ICAM5: variants seen among roughly 807,000 people sequenced by gnomAD.
The protein encoded by ICAM5 is intercellular adhesion molecule 5, also known as ICAM-5.
A neutral mutation model predicts 78.8 loss-of-function variants in ICAM5; 38 were observed. That is an observed-to-expected ratio of 0.48 (90% CI 0.37 to 0.63). The LOEUF (loss-of-function observed/expected upper bound fraction) is 0.63. ICAM5 is among the 30% of genes least tolerant of loss of function. The pLI is 0.00. For missense variants in ICAM5, 1,059 were observed against 1,303.0 expected, an observed-to-expected ratio of 0.81 and a Z score of 2.88; for synonymous variants, 544 against 590.9, an observed-to-expected ratio of 0.92 and a Z score of 1.15.
chr19:10,296,670 G>A lies in ICAM5; in HGVS notation c.*54G>A, dbSNP rs2040223610. On this transcript the variant is annotated 3_prime_UTR_variant, in exon 11 of 11. Coordinates refer to ENST00000221980, the MANE Select transcript of ICAM5 (RefSeq NM_003259.4). ...GGACGCCCCCCAGACTCACACGGGG[G>A]CTTATTTATTGCTTTATTTATTTAC... 6.7e-6 allele frequency: 8 copies of A among 1,192,094 alleles called. No homozygotes were observed. The highest frequency in any genetic ancestry group is 8.3e-6 in the Non-Finnish European group (8 of 959,290). 73.8% of individuals were successfully genotyped at this position (1,192,094 alleles called of 1,614,324 possible).
chr19:10,292,446 G>T, intron 4 of ICAM5, 124 bp downstream of exon 4: 1 of 1,359,634 alleles, frequency 7.4e-7, no homozygotes, highest in South Asian at 1.4e-5. Flanking sequence ...GGCAGGTGGG[G>T]GCGGAGACGT....
rs371224402 is a variant in ICAM5, at chr19:10,292,075, C to T, written c.714C>T (p.Leu238=). 1.4e-5 allele frequency: 22 copies of T among 1,612,790 alleles called. No homozygotes were observed. In the East Asian group the frequency reaches 1.6e-4, roughly 11 times the overall value. ...CCCCGCGCCTCGCTGCTCCCCGGCT[C>T]TTGGAAGTTGGCTCGGAAAGGCCCG... is the stretch of plus-strand genomic sequence containing the variant. ...PDAPRLAAPR[L]LEVGSERPVS... Residue 238 remains leucine (L), a synonymous_variant, in exon 4 of 11, where the codon CTC becomes CTT. Coordinates refer to ENST00000221980, the MANE Select transcript of ICAM5 (RefSeq NM_003259.4).
In ICAM5 at chr19:10,294,044, C is replaced by T. The variant is rs372704058; in HGVS notation, c.1716C>T (p.Gly572=). ...CCCTGCAATCCTGTTTCCCAGATGGCCCCAGGTTTGAGGAGCCGAGCTGCC... is the reference window on the plus strand; with the variant it reads ...CCCTGCAATCCTGTTTCCCAGATGGTCCCAGGTTTGAGGAGCCGAGCTGCC... ...AKNVAVTVEY[G]PRFEEPSCPS... Residue 572 remains glycine (G), a synonymous_variant, in exon 8 of 11, where the codon GGC becomes GGT. Coordinates refer to ENST00000221980, the MANE Select transcript of ICAM5 (RefSeq NM_003259.4). This position sits in a 1 kb window ranked among gnomAD's most constrained non-coding sequence, Gnocchi z 7.7. 2.5e-6 allele frequency: 4 copies of T among 1,580,666 alleles called. No homozygotes were observed. The highest frequency in any genetic ancestry group is 2.2e-5 in the East Asian group (1 of 44,516).
chr19:10,290,851 T>C lies in ICAM5; in HGVS notation c.83-221T>C, dbSNP rs1000495516. On this transcript the variant is annotated intron_variant, in intron 1 of 10. Transcript: ENST00000221980. The surrounding 1 kb of genome is among the most constrained non-coding windows in gnomAD (Gnocchi z 5.7). The stretch of plus-strand genomic sequence containing the variant: ...CGCTCCATCGGCGCTTTGGAGACCA[T>C]GGCTCTCTGCTACCACGTCCCAGAG... The C allele has an allele frequency of 6.8e-5, 42 of 616,094 alleles. No individual in the cohort carries two copies. In the African/African-American group the frequency reaches 7.0e-4, roughly 10 times the overall value. 38.2% of individuals were successfully genotyped at this position (616,094 alleles called of 1,614,324 possible).
Position 10,290,001 on chromosome 19 carries a change from G to C in ICAM5, c.-43G>C, listed in dbSNP as rs2040157272. On this transcript the variant is annotated 5_prime_UTR_variant, in exon 1 of 11. Transcript: ENST00000221980. This position sits in a 1 kb window ranked among gnomAD's most constrained non-coding sequence, Gnocchi z 5.7. ...GAGCCGTCCTCTAGCCCAGCTCCTC[G>C]GCTCGCGCTCTCCTCGCCTCCTGTG... 2 of 1,513,152 alleles carry C rather than the reference G, an allele frequency of 1.3e-6. No individual in the cohort carries two copies. Among genetic ancestry groups the C allele is most frequent in the Non-Finnish European group, 1.8e-6 (2 of 1,129,118 alleles). The allele number at this position is 1,513,152 out of a possible 1,614,324, so 93.7% of individuals were successfully genotyped here. A position where few individuals can be genotyped will look rare whatever the true frequency, so the allele number is the denominator to read the frequency against.
In ICAM5 at chr19:10,290,273, C is replaced by G; in HGVS notation, c.82+148C>G. On this transcript the variant is annotated intron_variant, in intron 1 of 10. Coordinates refer to ENST00000221980, the MANE Select transcript of ICAM5 (RefSeq NM_003259.4). This position sits in a 1 kb window ranked among gnomAD's most constrained non-coding sequence, Gnocchi z 5.7. ...GAGCCTGAGTCTTCTCCCCTTCCCC[C>G]TCCTCCCCAACACACACCCGAGCCC... 1.7e-6 allele frequency: 1 copy of G among 581,496 alleles called. No individual in the cohort carries two copies. Among genetic ancestry groups the G allele is most frequent in the Non-Finnish European group, 2.9e-6 (1 of 341,868 alleles). The allele number at this position is 581,496 out of a possible 1,614,324, so 36.0% of individuals were successfully genotyped here. A position where few individuals can be genotyped will look rare whatever the true frequency, so the allele number is the denominator to read the frequency against.
rs747662666 is a variant in ICAM5 at position 10,292,145 on chromosome 19, G to A, written c.784G>A (p.Val262Ile). 6.2e-6 allele frequency: 10 copies of A among 1,613,416 alleles called. No individual in the cohort carries two copies. In the South Asian group the frequency reaches 9.9e-5, roughly 16 times the overall value. Reference sequence around the variant, plus strand: ...ACTGTTTCCAGCCTCAGAGGCCAGGGTCTACCTCGCACTGGGGGACCAGAA... The same window carrying A: ...ACTGTTTCCAGCCTCAGAGGCCAGGATCTACCTCGCACTGGGGGACCAGAA... ...DGLFPASEAR[V>I]YLALGDQNLS... Residue 262 changes from valine (V) to isoleucine (I), a missense_variant, in exon 4 of 11, where the codon GTC becomes ATC. Physicochemically the swap from Val to Ile is conservative, Grantham distance 29. Around this residue, in one of 3 missense-constraint regions of ICAM5, gnomAD observed 815 missense variants for 952.8 expected, o/e 0.86. Transcript: ENST00000221980.
At chr19:10,292,423 G>A (rs2569700) in intron 4 of ICAM5, 101 bp downstream of exon 4, 4 of 1,367,168 alleles carry the variant, frequency 2.9e-6, no homozygotes, top group Non-Finnish European at 4.0e-6. Context: ...AACAGGCGTG[G>A]CCCGAGGGGC....
rs760445703 is a variant in ICAM5, at chr19:10,291,595, C to T, written c.459C>T (p.Leu153=). Reference sequence around the variant, plus strand: ...CCGGCGCCGGGCCCCGTGCGAGCCTCACGCTGACCCTGCTGCGGGGCGCCC... The same window carrying T: ...CCGGCGCCGGGCCCCGTGCGAGCCTTACGCTGACCCTGCTGCGGGGCGCCC... ...RVPGAGPRAS[L]TLTLLRGAQE... Residue 153 remains leucine (L), a synonymous_variant, in exon 3 of 11, where the codon CTC becomes CTT. Coordinates refer to ENST00000221980, the MANE Select transcript of ICAM5 (RefSeq NM_003259.4). 4 of 1,612,092 alleles carry T rather than the reference C, an allele frequency of 2.5e-6. No homozygotes were observed. The East Asian group carries it at 8.9e-5, about 36-fold the overall frequency.
At position 10,294,770 on chromosome 19, in the gene ICAM5, G is replaced by A; in HGVS notation, c.2230+130G>A. 2.1e-6 allele frequency: 3 copies of A among 1,422,880 alleles called. No homozygotes were observed. Among genetic ancestry groups the A allele is most frequent in the Non-Finnish European group, 2.9e-6 (3 of 1,051,734 alleles). The allele number at this position is 1,422,880 out of a possible 1,614,324, so 88.1% of individuals were successfully genotyped here. On this transcript the variant is annotated intron_variant, in intron 9 of 10. Coordinates refer to ENST00000221980, the MANE Select transcript of ICAM5 (RefSeq NM_003259.4). This position sits in a 1 kb window ranked among gnomAD's most constrained non-coding sequence, Gnocchi z 7.7. ...AGGGAATTCCAGCCTAAACCAGGGG[G>A]TAATGAAAATTCTAGCCAGGCGCAG...
At position 10,295,612 on chromosome 19, in the gene ICAM5, G is replaced by C; in HGVS notation, c.2497G>C (p.Gly833Arg). The C allele has an allele frequency of 3.2e-6, 5 of 1,539,966 alleles. No homozygotes were observed. Among genetic ancestry groups the C allele is most frequent in the Non-Finnish European group, 4.4e-6 (5 of 1,144,968 alleles). The change falls in exon 10 of 11, where the codon GGT (glycine) becomes CGT (arginine). Residue 833 changes from glycine (G) to arginine (R), a missense_variant and splice_region_variant. This residue lies in a region of ICAM5 where 135 missense variants were observed against 230.2 expected (regional missense o/e 0.59). Transcript: ENST00000221980. Reference sequence around the variant, plus strand: ...GCGGCGCATCACGGTGCGCGTGGCCGGTAAGTGGCAGCTGGGGAGAGGCGG... The same window carrying C: ...GCGGCGCATCACGGTGCGCGTGGCCCGTAAGTGGCAGCTGGGGAGAGGCGG... ...HARRITVRVAGPWLWVAVGGA... is the reference protein window; with the variant it reads ...HARRITVRVARPWLWVAVGGA...
Position 10,290,037 on chromosome 19 carries a change from C to T in ICAM5, c.-7C>T. 2 of 1,538,806 alleles carry T rather than the reference C, an allele frequency of 1.3e-6. No homozygotes were observed. Among genetic ancestry groups the T allele is most frequent in the Non-Finnish European group, 1.7e-6 (2 of 1,145,192 alleles). On this transcript the variant is annotated 5_prime_UTR_variant, in exon 1 of 11. Coordinates refer to ENST00000221980, the MANE Select transcript of ICAM5 (RefSeq NM_003259.4). The surrounding 1 kb of genome is among the most constrained non-coding windows in gnomAD (Gnocchi z 5.7). ...TCCTCGCCTCCTGTGCTTTCCCCGC[C>T]GCGGCGATGCCAGGGCCTTCGCCAG...
chr19:10,291,761 C>A lies in ICAM5; in HGVS notation c.625C>A (p.Leu209Met). The change falls in exon 3 of 11, where the codon CTG (leucine) becomes ATG (methionine). Residue 209 changes from leucine (L) to methionine (M), a missense_variant. Around this residue, in one of 3 missense-constraint regions of ICAM5, gnomAD observed 815 missense variants for 952.8 expected, o/e 0.86. Transcript: ENST00000221980. Reference sequence around the variant, plus strand: ...CGAGCTGGACCTGCGGCCGCACGGACTGGGACTGTTTGAAAACAGCTCGGC... The same window carrying A: ...CGAGCTGGACCTGCGGCCGCACGGAATGGGACTGTTTGAAAACAGCTCGGC... ...RAELDLRPHG[L>M]GLFENSSAPR... 6.2e-7 allele frequency: 1 copy of A among 1,612,580 alleles called. No individual in the cohort carries two copies. The highest frequency in any genetic ancestry group is 1.1e-5 in the South Asian group (1 of 91,068).
In ICAM5 at chr19:10,293,599, G is replaced by C; in HGVS notation, c.1466-99G>C. 1 of 1,490,086 alleles carries C rather than the reference G, an allele frequency of 6.7e-7. No individual in the cohort carries two copies. 92.3% of individuals were successfully genotyped at this position (1,490,086 alleles called of 1,614,324 possible). A position where few individuals can be genotyped will look rare whatever the true frequency, so the allele number is the denominator to read the frequency against. On this transcript the variant is annotated intron_variant, in intron 6 of 10. Transcript: ENST00000221980. The surrounding 1 kb of genome is among the most constrained non-coding windows in gnomAD (Gnocchi z 5.0). ...TGGATCGGCGTCCAAGGGTTATGCAGGGACAACACTTCGTGGAAGCCTTGC... is the reference window on the plus strand; with the variant it reads ...TGGATCGGCGTCCAAGGGTTATGCACGGACAACACTTCGTGGAAGCCTTGC...
rs1168187739 is a variant in ICAM5 at position 10,293,925 on chromosome 19, G to T, written c.1693G>T (p.Val565Leu). 1.9e-6 allele frequency: 3 copies of T among 1,612,050 alleles called. No homozygotes were observed. The change falls in exon 7 of 11, where the codon GTG becomes TTG. Residue 565 changes from valine to leucine, a missense_variant. By Grantham distance (32) the Val-to-Leu change is conservative. Around this residue, in one of 3 missense-constraint regions of ICAM5, gnomAD observed 815 missense variants for 952.8 expected, o/e 0.86. Coordinates refer to ENST00000221980, the MANE Select transcript of ICAM5 (RefSeq NM_003259.4). The surrounding 1 kb of genome is among the most constrained non-coding windows in gnomAD (Gnocchi z 5.0). ...TNPRGSAAKN[V>L]AVTVEYGPRF... is the part of the protein sequence containing the mutation. ...CCCTCGGGGCTCTGCGGCCAAAAAT[G>T]TGGCCGTCACGGTGGAATGTGAGTA...
At position 10,295,572 on chromosome 19, in the gene ICAM5, G is replaced by T. The variant is rs1336915355; in HGVS notation, c.2457G>T (p.Ala819=). 3.9e-6 allele frequency: 6 copies of T among 1,544,846 alleles called. No individual in the cohort carries two copies. The highest frequency in any genetic ancestry group is 2.0e-5 in the Admixed American group (1 of 50,946). The change falls in exon 10 of 11, where the codon GCG becomes GCT. Residue 819 remains alanine (A), a synonymous_variant. Transcript: ENST00000221980. ...AGTACGAGTGCGCAGCCACCAACGC[G>T]CACGGGCGCCACGCGCGGCGCATCA... is the stretch of plus-strand genomic sequence containing the variant. The part of the protein sequence containing the change: ...GGEYECAATN[A]HGRHARRITV...
At position 10,294,224 on chromosome 19, in the gene ICAM5, C is replaced by T. The variant is rs532226729; in HGVS notation, c.1896C>T (p.Pro632=). Residue 632 remains proline (P), a synonymous_variant, in exon 8 of 11, where the codon CCC becomes CCT. Coordinates refer to ENST00000221980, the MANE Select transcript of ICAM5 (RefSeq NM_003259.4). This position sits in a 1 kb window ranked among gnomAD's most constrained non-coding sequence, Gnocchi z 7.7. ...LAPPDPSPRA[P]RIPRVLAPGI... ...CCCCAGACCCTAGTCCCAGAGCTCCCAGAATCCCTAGAGTCCTGGCACCCG... is the reference window on the plus strand; with the variant it reads ...CCCCAGACCCTAGTCCCAGAGCTCCTAGAATCCCTAGAGTCCTGGCACCCG... The T allele has an allele frequency of 7.4e-6, 12 of 1,614,044 alleles. No homozygotes were observed. Among genetic ancestry groups the T allele is most frequent in the Non-Finnish European group, 1.0e-5 (12 of 1,180,020 alleles).
At position 10,294,043 on chromosome 19, in the gene ICAM5, G is replaced by T. The variant is rs971552940; in HGVS notation, c.1715G>T (p.Gly572Val). 6.3e-7 allele frequency: 1 copy of T among 1,580,494 alleles called. No homozygotes were observed. Among genetic ancestry groups the T allele is most frequent in the African/African-American group, 1.3e-5 (1 of 74,098 alleles). ...AKNVAVTVEY[G>V]PRFEEPSCPS... ...CCCCTGCAATCCTGTTTCCCAGATG[G>T]CCCCAGGTTTGAGGAGCCGAGCTGC... The change falls in exon 8 of 11, where the codon GGC (glycine) becomes GTC (valine). Residue 572 changes from glycine to valine, a missense_variant. Coordinates refer to ENST00000221980, the MANE Select transcript of ICAM5 (RefSeq NM_003259.4). The surrounding 1 kb of genome is among the most constrained non-coding windows in gnomAD (Gnocchi z 7.7).
chr19:10,291,732 G>C lies in ICAM5; in HGVS notation c.596G>C (p.Arg199Pro). Residue 199 changes from arginine (R) to proline (P), a missense_variant, in exon 3 of 11, where the codon CGC (arginine) becomes CCC (proline). Physicochemically the swap from Arg to Pro is moderately radical, Grantham distance 103. This residue lies in a region of ICAM5 where 815 missense variants were observed against 952.8 expected (regional missense o/e 0.86). Transcript: ENST00000221980. ...REDHGANFSC[R>P]AELDLRPHGL... is the part of the protein sequence containing the mutation. ...GACCATGGAGCCAATTTCTCGTGTC[G>C]CGCCGAGCTGGACCTGCGGCCGCAC... The C allele has an allele frequency of 6.2e-7, 1 of 1,612,822 alleles. No individual in the cohort carries two copies. Among genetic ancestry groups the C allele is most frequent in the Non-Finnish European group, 8.5e-7 (1 of 1,179,998 alleles).
Sources: allele counts gnomAD v4.1 joint callset, GRCh38; gene constraint gnomAD v4.1.1; regional missense constraint gnomAD v4.1.1; non-coding constraint Gnocchi (gnomAD v3.1); transcripts MANE v1.5; gene names NCBI Gene and HGNC (gene_info 2026-07-23, HGNC 2026-07-21).